Variants in GALNT2 observed in about 807,000 individuals in gnomAD.
The protein encoded by GALNT2 is UDP-GalNAc:polypeptide N-acetylgalactosaminyltransferase 2.
GALNT2 carries 31 observed loss-of-function variants against 81.4 expected under a neutral mutation model. That is an observed-to-expected ratio of 0.38 (90% CI 0.29 to 0.51). The LOEUF is 0.51. Ranked by LOEUF, GALNT2 falls within the 20% of genes least tolerant of loss-of-function variation. The pLI is 0.87. For synonymous variants in GALNT2, 303 were observed against 287.4 expected, an observed-to-expected ratio of 1.05 and a Z score of -0.55; for missense variants, 629 against 765.7, an observed-to-expected ratio of 0.82 and a Z score of 2.11.
At chr1:230,203,591 A>T (rs1663973780) in intron 3 of GALNT2, among the ~76,000 whole-genome samples, 1 of 152,176 alleles carries the variant, frequency 6.6e-6, no homozygotes, top group Non-Finnish European at 1.5e-5. Flanking sequence ...TTTAGTGATC[A>T]CTTGTTATTT....
intron 6 of GALNT2, among the ~76,000 whole-genome samples, chr1:230,239,891 CTT>C (rs989848302): frequency 2.6e-5 from 4 of 152,232 alleles, no homozygotes; most frequent in African/African-American, 9.6e-5. Context: ...CAACAGTCTG[CTT>C]AAGAGTCAAC....
intron 9 of GALNT2, 62 bp from the exon 10 acceptor site, chr1:230,250,395 C>A: frequency 7.9e-7 from 1 of 1,258,584 alleles, no homozygotes; most frequent in Non-Finnish European, 1.2e-6. Context: ...CGCAAGGGTG[C>A]TGGCAATCTA....
In GALNT2 at chr1:230,243,505, G is replaced by C. The variant is rs1665266593; in HGVS notation, c.729+78G>C. The C allele has an allele frequency of 2.6e-6, 4 of 1,552,686 alleles. No individual in the cohort carries two copies. The highest frequency in any genetic ancestry group is 3.5e-6 in the Non-Finnish European group (4 of 1,154,098). On this transcript the variant is annotated intron_variant, in intron 7 of 15. Coordinates refer to ENST00000366672, the MANE Select transcript of GALNT2 (RefSeq NM_004481.5). The surrounding 1 kb of genome is among the most constrained non-coding windows in gnomAD (Gnocchi z 4.2). ...GGACAGAAGGGAGCATGGTCCAGGG[G>C]AGGTGTAACGCAGGGAGTAGGGCGT...
chr1:230,268,381 C>T (rs1010053753), intron 14 of GALNT2: 1 of 152,186 alleles, frequency 6.6e-6, no homozygotes, highest in Non-Finnish European at 1.5e-5. Flanking sequence ...TCTTGTGATC[C>T]CTGGCCAGCC....
At chr1:230,117,756 A>C (rs1660888709) in intron 1 of GALNT2, among the ~76,000 whole-genome samples, 1 of 152,250 alleles carries the variant, frequency 6.6e-6, no homozygotes, top group African/African-American at 2.4e-5. Context: ...AAATATTGTG[A>C]GAATGGCCAA....
At chr1:230,075,685 G>A (rs74145438) in intron 1 of GALNT2, among the ~76,000 whole-genome samples, 27,052 of 152,156 alleles carry the variant, frequency 0.18, 3,500 homozygotes, top group African/African-American at 0.35. Flanking sequence ...CATTCTAGTG[G>A]GGGGCTGCGG....
At chr1:230,201,762 G>T (rs1020009506) in intron 2 of GALNT2, among the ~76,000 whole-genome samples, 2 of 152,180 alleles carry the variant, frequency 1.3e-5, no homozygotes, top group Non-Finnish European at 2.9e-5. Flanking sequence ...TCCTGAATGG[G>T]CATGCTCATG....
At chr1:230,115,452 G>A (rs1056263924) in intron 1 of GALNT2, among the ~76,000 whole-genome samples, 1 of 152,210 alleles carries the variant, frequency 6.6e-6, no homozygotes, top group African/African-American at 2.4e-5. Flanking sequence ...TGTTTACACT[G>A]TATTGCCGTC....
At chr1:230,128,411 C>T (rs564251063) in intron 1 of GALNT2, among the ~76,000 whole-genome samples, 5 of 152,144 alleles carry the variant, frequency 3.3e-5, no homozygotes, top group East Asian at 1.9e-4. Flanking sequence ...GCCTCTTCCC[C>T]GAAGCTCTGT....
At chr1:230,246,188 C>G (rs200118716) in intron 8 of GALNT2, 38 bp downstream of exon 8, 1 of 1,431,612 alleles carries the variant, frequency 7.0e-7, no homozygotes, top group South Asian at 1.1e-5. Flanking sequence ...TAGCTCGTCC[C>G]GTCTACACCA....
intron 10 of GALNT2, among the ~76,000 whole-genome samples, chr1:230,250,920 A>G (rs1476385318): frequency 6.6e-6 from 1 of 152,100 alleles, no homozygotes; most frequent in East Asian, 1.9e-4. Flanking sequence ...TGGAAAATGA[A>G]CCCCGGCGAG....
rs1457176645 is a variant in GALNT2 at position 230,279,545 on chromosome 1, T to G, written c.*87T>G. On this transcript the variant is annotated 3_prime_UTR_variant, in exon 16 of 16. Transcript: ENST00000366672. This position sits in a 1 kb window ranked among gnomAD's most constrained non-coding sequence, Gnocchi z 4.6. ...ATTATTGATTATGTTTCTTAAACTTTCCGCGAAACTAATATACCTCAGTAT... is the reference window on the plus strand; with the variant it reads ...ATTATTGATTATGTTTCTTAAACTTGCCGCGAAACTAATATACCTCAGTAT... 2 of 1,473,920 alleles carry G rather than the reference T, an allele frequency of 1.4e-6. No individual in the cohort carries two copies. The highest frequency in any genetic ancestry group is 2.1e-5 in the Admixed American group (1 of 47,458). The allele number at this position is 1,473,920 out of a possible 1,614,324, so 91.3% of individuals were successfully genotyped here. A position where few individuals can be genotyped will look rare whatever the true frequency, so the allele number is the denominator to read the frequency against.
chr1:230,111,885 T>C (rs556754200), intron 1 of GALNT2, among the ~76,000 whole-genome samples: 3 of 151,598 alleles, frequency 2.0e-5, no homozygotes, highest in South Asian at 2.1e-4. Flanking sequence ...GCCCCCAGGA[T>C]TCACATACCA....
At chr1:230,139,209 A>G (rs997260689) in intron 1 of GALNT2, among the ~76,000 whole-genome samples, 7 of 152,216 alleles carry the variant, frequency 4.6e-5, no homozygotes, top group Admixed American at 2.0e-4. Flanking sequence ...AAGGTATCTA[A>G]TAATCCCCAT....
At chr1:230,211,141 CAT>C (rs532107333) in intron 3 of GALNT2, among the ~76,000 whole-genome samples, 49 of 152,336 alleles carry the variant, frequency 3.2e-4, no homozygotes, top group African/African-American at 1.1e-3. Context: ...CGCGGCGTCT[CAT>C]AAACATGCGC....
intron 1 of GALNT2, among the ~76,000 whole-genome samples, chr1:230,062,122 T>C (rs1659064247): frequency 6.6e-6 from 1 of 152,158 alleles, no homozygotes; most frequent in East Asian, 1.9e-4. Flanking sequence ...GGATAAATAG[T>C]ATGTTTGTAG....
intron 1 of GALNT2, among the ~76,000 whole-genome samples, chr1:230,124,835 G>C (rs1661125190): frequency 6.6e-6 from 1 of 151,694 alleles, no homozygotes; most frequent in Non-Finnish European, 1.5e-5. Flanking sequence ...TGGCCTGTCT[G>C]GGAATGTGGT....
At chr1:230,094,896 C>T (rs936409571) in intron 1 of GALNT2, among the ~76,000 whole-genome samples, 3 of 152,116 alleles carry the variant, frequency 2.0e-5, no homozygotes, top group African/African-American at 7.2e-5. Context: ...GATTCCGATA[C>T]CTCGCCTTCC....
chr1:230,276,363 A>G (rs2102784236), intron 15 of GALNT2, among the ~76,000 whole-genome samples: 1 of 152,244 alleles, frequency 6.6e-6, no homozygotes, highest in South Asian at 2.1e-4. Flanking sequence ...CCATACTTGG[A>G]GTGCCTGCCC....
Sources: allele counts gnomAD v4.1 joint callset (sites outside exome capture counted in the v4.1 genomes callset), GRCh38; gene constraint gnomAD v4.1.1; non-coding constraint Gnocchi (gnomAD v3.1); transcripts MANE v1.5; gene names NCBI Gene and HGNC (gene_info 2026-07-23, HGNC 2026-07-21).